Variants in NRG1 observed in about 807,000 individuals in gnomAD.
NRG1 encodes the protein pro-neuregulin-1, membrane-bound isoform.
Under a neutral mutation model 63.8 loss-of-function variants are expected in NRG1, and 18 were observed. That is an observed-to-expected ratio of 0.28 (90% CI 0.19 to 0.42). NRG1 has a LOEUF of 0.42. Ranked by LOEUF, NRG1 falls within the 10% of genes least tolerant of loss-of-function variation. The pLI is 1.00. For synonymous variants in NRG1, 302 were observed against 301.3 expected (o/e 1.00, Z -0.02); for missense variants, 762 against 814.7 (o/e 0.94, Z 0.79).
At chr8:31,816,830 A>G (rs1410155951) in intron 1 of NRG1, among the ~76,000 whole-genome samples, 1 of 152,194 alleles carries the variant, frequency 6.6e-6, no homozygotes, top group Non-Finnish European at 1.5e-5. Context: ...AGCCCAGTTA[A>G]GTGTTTCCCT....
chr8:32,373,366 A>G (rs1809180850), intron 1 of NRG1, among the ~76,000 whole-genome samples: 1 of 152,264 alleles, frequency 6.6e-6, no homozygotes, highest in African/African-American at 2.4e-5. Flanking sequence ...TCAGAGCCAT[A>G]GAAATATGCA....
chr8:32,270,458 A>G (rs1851427069), intron 1 of NRG1, among the ~76,000 whole-genome samples: 1 of 152,250 alleles, frequency 6.6e-6, no homozygotes, highest in Admixed American at 6.5e-5. Flanking sequence ...AATAAAAAGT[A>G]AATAAGCTCT....
chr8:32,718,414 C>A (rs1819785911), intron 5 of NRG1, among the ~76,000 whole-genome samples: 1 of 152,178 alleles, frequency 6.6e-6, no homozygotes, highest in African/African-American at 2.4e-5. Flanking sequence ...CTGTTATCCT[C>A]AAACCCTCTT....
chr8:31,852,553 G>A (rs1348391680), intron 1 of NRG1, among the ~76,000 whole-genome samples: 1 of 151,114 alleles, frequency 6.6e-6, no homozygotes, highest in East Asian at 2.0e-4. Context: ...CTCCCATTTT[G>A]TAGGTTGCCT....
At chr8:32,252,500 G>A (rs570879922) in intron 1 of NRG1, among the ~76,000 whole-genome samples, 1 of 152,246 alleles carries the variant, frequency 6.6e-6, no homozygotes, top group Admixed American at 6.5e-5. Flanking sequence ...AAATCAGATA[G>A]TTGTAGATGT....
At chr8:32,044,918 A>AAAAAAAAAAAAAAAAAAAAAAAAAAG (rs1820735709) in intron 1 of NRG1, among the ~76,000 whole-genome samples, 1 of 145,836 alleles carries the variant, frequency 6.9e-6, no homozygotes, top group East Asian at 2.0e-4. Flanking sequence ...AAAAGCAAAA[A>AAAAAAAAAAAAAAAAAAAAAAAAAAG]AAAAAAAAAA....
chr8:32,144,885 T>C (rs560347104), intron 1 of NRG1, among the ~76,000 whole-genome samples: 3 of 152,336 alleles, frequency 2.0e-5, no homozygotes, highest in East Asian at 1.9e-4. Flanking sequence ...TTTTGATGTA[T>C]GTATGTGTGT....
chr8:32,092,107 C>A (rs2131279337), intron 1 of NRG1, among the ~76,000 whole-genome samples: 1 of 152,018 alleles, frequency 6.6e-6, no homozygotes, highest in Non-Finnish European at 1.5e-5. Context: ...TGTTATTTCA[C>A]AACATATGTA....
In NRG1 at chr8:31,735,939, A is replaced by G. The variant is rs117702660; in HGVS notation, c.37+96508A>G. Among the ~76,000 whole-genome samples, 383 of 152,284 alleles carry G rather than the reference A, an allele frequency of 2.5e-3. 3 individuals are homozygous for G. Among genetic ancestry groups the G allele is most frequent in the Admixed American group, 4.4e-3 (67 of 15,286 alleles). On this transcript the variant is annotated intron_variant, in intron 1 of 10. Coordinates refer to the NRG1 transcript ENST00000519301. The stretch of plus-strand genomic sequence containing the variant: ...CCATCCGTCATCTTTTGCCTGGATT[A>G]TTAAAATAACCTCACATCTGTCCTT...
At chr8:31,812,676 C>T (rs1255524986) in intron 1 of NRG1, among the ~76,000 whole-genome samples, 2 of 150,574 alleles carry the variant, frequency 1.3e-5, no homozygotes, top group Non-Finnish European at 3.0e-5. Context: ...CCCCTCCCCT[C>T]GCTGCTCCTC....
At chr8:32,518,600 A>G (rs1025507307) in intron 1 of NRG1, among the ~76,000 whole-genome samples, 6 of 152,188 alleles carry the variant, frequency 3.9e-5, no homozygotes, top group African/African-American at 1.2e-4. Context: ...TGCACAAGGA[A>G]GAAAGCTTTT....
intron 1 of NRG1, among the ~76,000 whole-genome samples, chr8:32,368,136 T>C (rs1808330693): frequency 6.6e-6 from 1 of 152,212 alleles, no homozygotes; most frequent in African/African-American, 2.4e-5. Flanking sequence ...TGCTCAGTAT[T>C]ACTATGAGCT....
At chr8:32,154,199 T>C (rs2131848528) in intron 1 of NRG1, among the ~76,000 whole-genome samples, 1 of 152,278 alleles carries the variant, frequency 6.6e-6, no homozygotes, top group East Asian at 1.9e-4. Context: ...GACCTATCTC[T>C]AGGCCATATT....
At chr8:32,649,275 G>A (rs767541252) in intron 5 of NRG1, among the ~76,000 whole-genome samples, 2 of 149,622 alleles carry the variant, frequency 1.3e-5, no homozygotes, top group Non-Finnish European at 2.9e-5. Context: ...ATACATTCCT[G>A]TTTGCATTGC....
intron 1 of NRG1, among the ~76,000 whole-genome samples, chr8:31,943,592 A>C (rs1415343294): frequency 1.3e-5 from 2 of 152,128 alleles, no homozygotes; most frequent in Non-Finnish European, 2.9e-5. Flanking sequence ...TGCACGAGGA[A>C]GCAACATAAA....
chr8:32,545,294 T>C (rs1193122859), upstream of NRG1, among the ~76,000 whole-genome samples: 2 of 152,208 alleles, frequency 1.3e-5, no homozygotes, highest in African/African-American at 2.4e-5. Flanking sequence ...AAATTTTGCA[T>C]TTCTTTAATG....
At chr8:32,395,959 C>T (rs1812384877) in intron 1 of NRG1, among the ~76,000 whole-genome samples, 1 of 152,142 alleles carries the variant, frequency 6.6e-6, no homozygotes, top group Non-Finnish European at 1.5e-5. Context: ...TCCAAGCATC[C>T]TAAGCATCTT....
At chr8:32,310,815 T>C (rs567816264) in intron 1 of NRG1, among the ~76,000 whole-genome samples, 35 of 152,302 alleles carry the variant, frequency 2.3e-4, no homozygotes, top group Admixed American at 2.1e-3. Context: ...ACATATCTTC[T>C]TGAGCACTTC....
intron 1 of NRG1, among the ~76,000 whole-genome samples, chr8:31,823,040 C>A (rs1824156224): frequency 6.6e-6 from 1 of 151,544 alleles, no homozygotes; most frequent in Non-Finnish European, 1.5e-5. Flanking sequence ...GAGATGGAAC[C>A]CTTTCTAACA....
Sources: gnomAD v4.1 joint callset for allele counts (sites outside exome capture counted in the v4.1 genomes callset) on GRCh38, gnomAD v4.1.1 for gene constraint, MANE v1.5 for transcripts, NCBI Gene and HGNC (gene_info 2026-07-23, HGNC 2026-07-21) for gene names.